The following ADAMTS14 variants were observed in gnomAD, a reference collection of about 807,000 sequenced individuals.
ADAMTS14 encodes A disintegrin and metalloproteinase with thrombospondin motifs 14.
In ADAMTS14, 100 loss-of-function variants were observed where a neutral mutation model predicts 128.6. That is an observed-to-expected ratio of 0.78 (90% CI 0.66 to 0.92). The LOEUF (loss-of-function observed/expected upper bound fraction) is 0.92, where lower values mean the gene tolerates loss of function less well. Among genes scored for constraint, ADAMTS14 ranks in the 40% least tolerant of loss-of-function variants. The pLI is 0.00. For synonymous variants in ADAMTS14, 665 were observed against 653.8 expected, an observed-to-expected ratio of 1.02 and a Z score of -0.26; for missense variants, 1,562 against 1,658.6, an observed-to-expected ratio of 0.94 and a Z score of 1.01.
intron 2 of ADAMTS14, among the ~76,000 whole-genome samples, chr10:70,677,935 C>T (rs1283755651): frequency 6.6e-6 from 1 of 152,184 alleles, no homozygotes; most frequent in Non-Finnish European, 1.5e-5. Context: ...GATTTTAATC[C>T]CATATTCTCT....
intron 12 of ADAMTS14, among the ~76,000 whole-genome samples, chr10:70,741,650 C>T (rs745344364): frequency 3.9e-5 from 6 of 152,094 alleles, no homozygotes; most frequent in African/African-American, 7.2e-5. Context: ...TCAGCAGAGT[C>T]GATGAGATGA....
At chr10:70,712,254 G>A (rs568760738) in intron 4 of ADAMTS14, among the ~76,000 whole-genome samples, 1 of 152,300 alleles carries the variant, frequency 6.6e-6, no homozygotes, top group East Asian at 1.9e-4. Flanking sequence ...GGAAGGGCAG[G>A]AAAGGGGAAA....
chr10:70,733,816 C>T, intron 7 of ADAMTS14, 69 bp from the exon 8 acceptor site: 1 of 1,550,752 alleles, frequency 6.4e-7, no homozygotes, highest in East Asian at 2.3e-5. Flanking sequence ...TGCTGGCCTG[C>T]CTGCCTGCCT....
At chr10:70,744,566 AT>A (rs1225056961) in intron 14 of ADAMTS14, among the ~76,000 whole-genome samples, 2 of 151,096 alleles carry the variant, frequency 1.3e-5, no homozygotes, top group Non-Finnish European at 2.9e-5. Flanking sequence ...CTCCTTCCTT[AT>A]TTTTTTTTAA....
At chr10:70,713,856 C>A (rs1406888783) in intron 4 of ADAMTS14, among the ~76,000 whole-genome samples, 1 of 152,164 alleles carries the variant, frequency 6.6e-6, no homozygotes, top group Non-Finnish European at 1.5e-5. Flanking sequence ...ACAGTCCCTG[C>A]CCTCTGAGCT....
intron 2 of ADAMTS14, among the ~76,000 whole-genome samples, chr10:70,693,385 G>C (rs909399359): frequency 2.0e-5 from 3 of 152,112 alleles, no homozygotes; most frequent in African/African-American, 7.2e-5. Context: ...CTGATCCTGC[G>C]GGCTCCCCTC....
At chr10:70,713,519 G>A (rs1275858628) in intron 4 of ADAMTS14, among the ~76,000 whole-genome samples, 6 of 152,246 alleles carry the variant, frequency 3.9e-5, no homozygotes, top group African/African-American at 1.4e-4. Flanking sequence ...CCCCTACTCT[G>A]CTGGCCTGTG....
intron 18 of ADAMTS14, among the ~76,000 whole-genome samples, chr10:70,753,516 G>A (rs4747095): frequency 0.22 from 33,134 of 152,168 alleles, 4,241 homozygotes; most frequent in East Asian, 0.56. Context: ...GGTAACTGAG[G>A]CTTAGAAGGC....
At chr10:70,731,062 C>T (rs1841619397) in intron 6 of ADAMTS14, among the ~76,000 whole-genome samples, 1 of 69,470 alleles carries the variant, frequency 1.4e-5, no homozygotes, top group African/African-American at 6.0e-5. Flanking sequence ...TGGTTTTACA[C>T]ACCACACACA....
Position 70,736,679 on chromosome 10 carries a change from G to A in ADAMTS14, c.1486-1G>A. 1.2e-6 allele frequency: 2 copies of A among 1,613,512 alleles called. No individual in the cohort carries two copies. Among genetic ancestry groups the A allele is most frequent in the East Asian group, 2.2e-5 (1 of 44,890 alleles). On this transcript the variant is annotated splice_acceptor_variant, in intron 9 of 21. Coordinates refer to ENST00000373207, the MANE Select transcript of ADAMTS14 (RefSeq NM_080722.4). LOFTEE classifies it high-confidence loss of function. ...GGTGACCCCATTCCCTTGCCATGCA[G>A]TTCAGGACCTTTGAGCCCTGCAAGC... is the stretch of plus-strand genomic sequence containing the variant.
intron 4 of ADAMTS14, among the ~76,000 whole-genome samples, chr10:70,726,633 G>A (rs895702621): frequency 4.6e-5 from 7 of 152,158 alleles, no homozygotes; most frequent in African/African-American, 7.2e-5. Flanking sequence ...AAGGAAGGCC[G>A]TGATCCAGTG....
In ADAMTS14 at chr10:70,743,669, T is replaced by C; in HGVS notation, c.2046T>C (p.Arg682=). The change falls in exon 13 of 22, where the codon CGT becomes CGC. Residue 682 remains arginine, a synonymous_variant. Coordinates refer to ENST00000373207, the MANE Select transcript of ADAMTS14 (RefSeq NM_080722.4). ...SYRDPYSVCA[R]GECVPVGCDK... ...GGGACCCATACAGCGTCTGTGCGCG[T>C]GGCGAGTGTGTGGTGGGTGCACCCC... The C allele has an allele frequency of 6.3e-7, 1 of 1,596,756 alleles. No homozygotes were observed. The highest frequency in any genetic ancestry group is 8.5e-7 in the Non-Finnish European group (1 of 1,170,626).
Position 70,672,683 on chromosome 10 carries a change from G to C in ADAMTS14, c.-120G>C. On this transcript the variant is annotated 5_prime_UTR_variant, in exon 1 of 22. Transcript: ENST00000373207. ...AGCAGCTAGGCGGGGAGGCGGCTGAGGCGGCAGCGGCGGCAGCCAGCCGGT... is the reference window on the plus strand; with the variant it reads ...AGCAGCTAGGCGGGGAGGCGGCTGACGCGGCAGCGGCGGCAGCCAGCCGGT... The C allele has an allele frequency of 1.4e-6, 1 of 702,088 alleles. No individual in the cohort carries two copies. Among genetic ancestry groups the C allele is most frequent in the Non-Finnish European group, 1.9e-6 (1 of 531,952 alleles). 43.5% of individuals were successfully genotyped at this position (702,088 alleles called of 1,614,324 possible). A position where few individuals can be genotyped will look rare whatever the true frequency, so the allele number is the denominator to read the frequency against.
intron 1 of ADAMTS14, 121 bp downstream of exon 1, chr10:70,673,005 C>T: frequency 7.8e-7 from 1 of 1,286,770 alleles, no homozygotes; most frequent in Non-Finnish European, 9.9e-7. Flanking sequence ...TATGCACACT[C>T]TGGGCTGATT....
Position 70,694,608 on chromosome 10 carries a change from A to G in ADAMTS14, c.523-7704A>G, listed in dbSNP as rs1429040029. ...ATTTGCCTATTCTATTTGTTTGAAG[A>G]CACTTCATACAAACAGAATCATGTA... On this transcript the variant is annotated intron_variant, in intron 2 of 21. Transcript: ENST00000373207. Among the ~76,000 whole-genome samples, 7 of 152,330 alleles carry G rather than the reference A, an allele frequency of 4.6e-5. No individual in the cohort carries two copies. In the South Asian group the frequency reaches 8.3e-4, roughly 18 times the overall value.
intron 4 of ADAMTS14, among the ~76,000 whole-genome samples, chr10:70,717,340 G>A (rs1036124616): frequency 6.6e-6 from 1 of 152,140 alleles, no homozygotes; most frequent in South Asian, 2.1e-4. Context: ...GGGGGAGAGG[G>A]CAATTTGGAG....
chr10:70,693,279 A>G (rs771756852), intron 2 of ADAMTS14, among the ~76,000 whole-genome samples: 2 of 152,166 alleles, frequency 1.3e-5, no homozygotes, highest in Non-Finnish European at 2.9e-5. Context: ...GGAGGGGATA[A>G]ACATCCAAAC....
In ADAMTS14 at chr10:70,674,635, C is replaced by T. The variant is rs144227111; in HGVS notation, c.162C>T (p.Ser54=). ...CAGACTTTCGGGGACGCTTCCTCTC[C>T]CACGTGGTGTCTGGCCCAGCAGCAG... ...CSTDFRGRFL[S]HVVSGPAAAS... The change falls in exon 2 of 22, where the codon TCC becomes TCT. Residue 54 remains serine, a synonymous_variant. Transcript: ENST00000373207. 2.7e-5 allele frequency: 44 copies of T among 1,613,636 alleles called. 1 individual carries two copies. Among genetic ancestry groups the T allele is most frequent in the Middle Eastern group, 1.6e-4 (1 of 6,084 alleles).
Position 70,691,487 on chromosome 10 carries a change from TAAAAAAAA to T in ADAMTS14, c.523-10810_523-10803del, listed in dbSNP as rs11373533. Among the ~76,000 whole-genome samples, 4 of 86,706 alleles carry T rather than the reference TAAAAAAAA, an allele frequency of 4.6e-5. No individual in the cohort carries two copies. In the South Asian group the frequency reaches 1.6e-3, roughly 34 times the overall value. The allele number at this position is 86,706 out of a possible 152,430, so 56.9% of individuals were successfully genotyped here. Reference sequence around the variant, plus strand: ...GCCTGGGGACAGAGTGAGACCCTGTTAAAAAAAAAAAAAAAAAAAAAACAAAGAAAAAA... The same window carrying T: ...GCCTGGGGACAGAGTGAGACCCTGTTAAAAAAAAAAAAAACAAAGAAAAAA... On this transcript the variant is annotated intron_variant, in intron 2 of 21. Coordinates refer to ENST00000373207, the MANE Select transcript of ADAMTS14 (RefSeq NM_080722.4).
Sources: gnomAD v4.1 joint callset for allele counts (sites outside exome capture counted in the v4.1 genomes callset) on GRCh38, gnomAD v4.1.1 for gene constraint, MANE v1.5 for transcripts, NCBI Gene and HGNC (gene_info 2026-07-23, HGNC 2026-07-21) for gene names.